The following EXOC6B variants were observed in gnomAD, a reference collection of about 807,000 sequenced individuals.
EXOC6B encodes SEC15 homolog B.
EXOC6B carries 54 observed loss-of-function variants against 113.5 expected under a neutral mutation model. The ratio of observed to expected loss-of-function variants is 0.48; its 90% CI spans 0.38 to 0.60. EXOC6B has a LOEUF of 0.60. Ranked by LOEUF, EXOC6B falls within the 20% of genes least tolerant of loss-of-function variation. The probability of loss-of-function intolerance (pLI) is 0.00; values close to 1 mark genes in which losing one functional copy is unlikely to be tolerated. For synonymous variants in EXOC6B, 357 were observed against 339.0 expected (o/e 1.05, Z -0.58); for missense variants, 797 against 977.5 (o/e 0.82, Z 2.46).
chr2:72,429,837 C>A (rs1340230137), intron 18 of EXOC6B, among the ~76,000 whole-genome samples: 1 of 152,156 alleles, frequency 6.6e-6, no homozygotes, highest in African/African-American at 2.4e-5. Flanking sequence ...AGGAACCCTG[C>A]ATTAGAGTCA....
At chr2:72,615,588 T>TA (rs754361086) in intron 6 of EXOC6B, among the ~76,000 whole-genome samples, 4,266 of 120,850 alleles carry the variant, frequency 0.035, 93 homozygotes, top group African/African-American at 0.066. Context: ...ATGCTGATAT[T>TA]AAAAAAAAAA....
At chr2:72,280,410 A>T (rs529928340) in intron 20 of EXOC6B, among the ~76,000 whole-genome samples, 12 of 152,244 alleles carry the variant, frequency 7.9e-5, no homozygotes, top group African/African-American at 2.9e-4. Context: ...AAAAGAAATG[A>T]CCTGTATACC....
Position 72,422,453 on chromosome 2 carries a change from G to A in EXOC6B, c.1981-42583C>T, listed in dbSNP as rs140951239. Reference sequence around the variant, plus strand: ...TGGAGAACCTTTATGTCTAGCTCAGGGATTGTAAATACACCAATCAGCACC... The same window carrying A: ...TGGAGAACCTTTATGTCTAGCTCAGAGATTGTAAATACACCAATCAGCACC... On this transcript the variant is annotated intron_variant, in intron 18 of 21. Transcript: ENST00000272427. 5.7e-3 allele frequency among the ~76,000 whole-genome samples: 859 copies of A among 151,120 alleles called. 16 individuals carry two copies. The highest frequency in any genetic ancestry group is 0.043 in the Admixed American group (652 of 15,264).
At chr2:72,492,228 G>C (rs1176108675) in intron 16 of EXOC6B, 90 bp downstream of exon 16, 1 of 595,714 alleles carries the variant, frequency 1.7e-6, no homozygotes, top group Non-Finnish European at 2.9e-6. Context: ...AGAGCATGTA[G>C]AAAGTTTTAA....
chr2:72,291,496 T>C (rs544957986), intron 20 of EXOC6B, among the ~76,000 whole-genome samples: 2 of 152,328 alleles, frequency 1.3e-5, no homozygotes, highest in African/African-American at 4.8e-5. Flanking sequence ...TCTCAGCGGC[T>C]GAGAAGGGAG....
At chr2:72,340,902 T>C (rs938249478) in intron 19 of EXOC6B, among the ~76,000 whole-genome samples, 1 of 152,076 alleles carries the variant, frequency 6.6e-6, no homozygotes, top group Non-Finnish European at 1.5e-5. Flanking sequence ...CAGGAGTTGA[T>C]GTACTCCACA....
chr2:72,362,754 C>T (rs1330778728), intron 19 of EXOC6B, among the ~76,000 whole-genome samples: 3 of 152,078 alleles, frequency 2.0e-5, no homozygotes, highest in African/African-American at 7.2e-5. Flanking sequence ...TCCAAAAATA[C>T]AAATCTAATA....
At chr2:72,305,322 G>GTATATA (rs71404717) in intron 20 of EXOC6B, among the ~76,000 whole-genome samples, 1 of 144,538 alleles carries the variant, frequency 6.9e-6, no homozygotes, top group Admixed American at 7.1e-5. Flanking sequence ...ATATGGGTGT[G>GTATATA]TGTATATGTA....
chr2:72,604,421 C>T (rs988914316), intron 6 of EXOC6B, among the ~76,000 whole-genome samples: 1 of 152,134 alleles, frequency 6.6e-6, no homozygotes, highest in Non-Finnish European at 1.5e-5. Flanking sequence ...TCAATAATAA[C>T]GTTTGTGAGT....
chr2:72,809,691 G>A (rs1685770946), intron 1 of EXOC6B, among the ~76,000 whole-genome samples: 1 of 151,840 alleles, frequency 6.6e-6, no homozygotes, highest in Non-Finnish European at 1.5e-5. Flanking sequence ...ACACCAAGAA[G>A]ACATAGCAAT....
At chr2:72,555,132 C>A (rs1703465032) in intron 8 of EXOC6B, among the ~76,000 whole-genome samples, 1 of 152,202 alleles carries the variant, frequency 6.6e-6, no homozygotes, top group South Asian at 2.1e-4. Context: ...ATATGTGCCA[C>A]ATTTTCTTAA....
At chr2:72,201,993 A>C (rs1438336939) in intron 20 of EXOC6B, among the ~76,000 whole-genome samples, 2 of 152,212 alleles carry the variant, frequency 1.3e-5, no homozygotes, top group East Asian at 3.9e-4. Context: ...TCATTCTCAA[A>C]GATGCTAGGA....
intron 11 of EXOC6B, among the ~76,000 whole-genome samples, chr2:72,507,688 T>C (rs983723523): frequency 6.6e-6 from 1 of 152,082 alleles, no homozygotes; most frequent in African/African-American, 2.4e-5. Context: ...GCTGAACTAA[T>C]GATTTTTTAA....
At chr2:72,754,274 G>A (rs976613643) in intron 1 of EXOC6B, among the ~76,000 whole-genome samples, 1 of 152,152 alleles carries the variant, frequency 6.6e-6, no homozygotes, top group Non-Finnish European at 1.5e-5. Flanking sequence ...GCTTAAGCTT[G>A]CATACTCTGG....
intron 18 of EXOC6B, among the ~76,000 whole-genome samples, chr2:72,444,177 C>T (rs537426019): frequency 5.3e-5 from 8 of 152,320 alleles, no homozygotes; most frequent in African/African-American, 1.9e-4. Flanking sequence ...CCATGCAAGT[C>T]GAAATCCAGC....
intron 1 of EXOC6B, among the ~76,000 whole-genome samples, chr2:72,753,213 C>A (rs372480149): frequency 1.1e-4 from 17 of 150,806 alleles, no homozygotes; most frequent in African/African-American, 3.7e-4. Context: ...CAAACCCAGC[C>A]CAGATAATAT....
intron 1 of EXOC6B, among the ~76,000 whole-genome samples, chr2:72,766,728 T>A (rs184530948): frequency 4.6e-5 from 7 of 151,638 alleles, no homozygotes; most frequent in African/African-American, 1.7e-4. Context: ...ATGAGGCAAG[T>A]GGATCATTTG....
At chr2:72,374,007 ACATTGCAGTAAGCCAAGT>A (rs574397205) in intron 19 of EXOC6B, among the ~76,000 whole-genome samples, 22 of 152,294 alleles carry the variant, frequency 1.4e-4, no homozygotes, top group African/African-American at 5.1e-4. Flanking sequence ...TGGGAGGCAA[ACATTGCAGTAAGCCAAGT>A]CATGCCACTG....
At position 72,590,327 on chromosome 2, in the gene EXOC6B, G is replaced by C. The variant is rs184219272; in HGVS notation, c.670-14659C>G. Among the ~76,000 whole-genome samples, 27 of 152,004 alleles carry C rather than the reference G, an allele frequency of 1.8e-4. No individual in the cohort carries two copies. The East Asian group carries it at 4.8e-3, about 27-fold the overall frequency. On this transcript the variant is annotated intron_variant, in intron 6 of 21. Transcript: ENST00000272427. ...ATAACATTGTAGTTTATAAACATAA[G>C]TAGAAAAGTTATAAAAATGAAAATC...
Sources: gnomAD v4.1 joint callset for allele counts (sites outside exome capture counted in the v4.1 genomes callset) on GRCh38, gnomAD v4.1.1 for gene constraint, MANE v1.5 for transcripts, NCBI Gene and HGNC (gene_info 2026-07-23, HGNC 2026-07-21) for gene names.